Variants in ERI3 observed in about 807,000 individuals in gnomAD.
The protein encoded by ERI3 is ERI1 exoribonuclease family member 3.
In ERI3, 18 loss-of-function variants were observed where a neutral mutation model predicts 44.4. That is an observed-to-expected ratio of 0.41 (90% CI 0.28 to 0.60). ERI3 has a LOEUF of 0.60. Ranked by LOEUF, ERI3 falls within the 20% of genes least tolerant of loss-of-function variation. ERI3 has a pLI of 0.36. For missense variants in ERI3, 294 were observed against 435.5 expected (o/e 0.68, Z 2.89); for synonymous variants, 183 against 164.8 (o/e 1.11, Z -0.84).
chr1:44,221,542 T>C lies in ERI3; in HGVS notation c.*16A>G. 1 of 1,611,472 alleles carries C rather than the reference T, an allele frequency of 6.2e-7. No homozygotes were observed. The highest frequency in any genetic ancestry group is 8.5e-7 in the Non-Finnish European group (1 of 1,177,680). ...CAAACAGCTACCCTGTCCTGCCCCA[T>C]CCTGTCCTCGGCCAATCAGAACGGC... On this transcript the variant is annotated 3_prime_UTR_variant, in exon 9 of 9. Coordinates refer to ENST00000372257, the MANE Select transcript of ERI3 (RefSeq NM_024066.3). This position sits in a 1 kb window ranked among gnomAD's most constrained non-coding sequence, Gnocchi z 5.9.
At chr1:44,259,724 A>ACAC (rs1553185527) in intron 7 of ERI3, among the ~76,000 whole-genome samples, 2 of 148,780 alleles carry the variant, frequency 1.3e-5, no homozygotes, top group East Asian at 2.0e-4. Context: ...ACACACACAC[A>ACAC]AATTAGCCAG....
At chr1:44,275,466 T>C (rs866194385) in intron 7 of ERI3, among the ~76,000 whole-genome samples, 2 of 152,222 alleles carry the variant, frequency 1.3e-5, no homozygotes, top group African/African-American at 2.4e-5. Flanking sequence ...AATTTATTAC[T>C]GCACTGATTG....
chr1:44,354,335 C>T lies in ERI3; in HGVS notation c.135+557G>A, dbSNP rs913697808. Reference sequence around the variant, plus strand: ...AGCTCTAAGGACAAAATCCAAACCCCCATTGAGGGGCCCCACATCCAGCAT... The same window carrying T: ...AGCTCTAAGGACAAAATCCAAACCCTCATTGAGGGGCCCCACATCCAGCAT... On this transcript the variant is annotated intron_variant, in intron 1 of 8. Transcript: ENST00000372257. 8.1e-6 allele frequency: 8 copies of T among 985,304 alleles called. No homozygotes were observed. In the Admixed American group the frequency reaches 4.9e-4, roughly 61 times the overall value. 61.0% of individuals were successfully genotyped at this position (985,304 alleles called of 1,614,324 possible).
intron 4 of ERI3, among the ~76,000 whole-genome samples, chr1:44,316,072 G>C (rs1451249179): frequency 2.0e-5 from 3 of 151,830 alleles, no homozygotes; most frequent in Non-Finnish European, 4.4e-5. Flanking sequence ...AGGATGCTAT[G>C]AGGGAACGAG....
chr1:44,275,066 G>A (rs1645155288), intron 7 of ERI3, among the ~76,000 whole-genome samples: 2 of 152,006 alleles, frequency 1.3e-5, no homozygotes, highest in African/African-American at 4.8e-5. Context: ...AGAAGTAACT[G>A]CCCTCAGTGC....
At chr1:44,232,536 ACTT>A (rs72223466) in intron 8 of ERI3, among the ~76,000 whole-genome samples, 5,982 of 152,218 alleles carry the variant, frequency 0.039, 377 homozygotes, top group African/African-American at 0.14. Flanking sequence ...GACTATTCAG[ACTT>A]CTTCTTTCTT....
At chr1:44,327,505 C>G (rs1163537485) in intron 3 of ERI3, among the ~76,000 whole-genome samples, 2 of 152,214 alleles carry the variant, frequency 1.3e-5, no homozygotes, top group Non-Finnish European at 2.9e-5. Flanking sequence ...TCCCATCAGT[C>G]CTATAAGATT....
chr1:44,221,998 T>C lies in ERI3; in HGVS notation c.932-358A>G, dbSNP rs989728148. Among the ~76,000 whole-genome samples, 12 of 152,262 alleles carry C rather than the reference T, an allele frequency of 7.9e-5. No homozygotes were observed. The highest frequency in any genetic ancestry group is 1.6e-4 in the Non-Finnish European group (11 of 68,044). On this transcript the variant is annotated intron_variant, in intron 8 of 8. Coordinates refer to ENST00000372257, the MANE Select transcript of ERI3 (RefSeq NM_024066.3). The surrounding 1 kb of genome is among the most constrained non-coding windows in gnomAD (Gnocchi z 5.9). ...CCCGGCCGCTGGGCGATCCTTCTTG[T>C]TGCTGCCGCGTGGGGACGGCCCGTC... is the stretch of plus-strand genomic sequence containing the variant.
In ERI3 at chr1:44,354,947, G is replaced by A. The variant is rs1646967469; in HGVS notation, c.80C>T (p.Pro27Leu). ...CCAAGTCCAGGGGAGAGTAAGGGGA[G>A]GGGCGGGGGGCCAGGAGACCAGCCC... ...EGGLVSWPPA[P>L]PLTLPWTWMG... The change falls in exon 1 of 9, where the codon CCT becomes CTT. Residue 27 changes from proline to leucine, a missense_variant. Physicochemically the swap from Pro to Leu is moderately conservative, Grantham distance 98. Coordinates refer to ENST00000372257, the MANE Select transcript of ERI3 (RefSeq NM_024066.3). The A allele has an allele frequency of 3.7e-6, 5 of 1,340,516 alleles. No individual in the cohort carries two copies. The highest frequency in any genetic ancestry group is 1.5e-5 in the African/African-American group (1 of 66,598). 83.0% of individuals were successfully genotyped at this position (1,340,516 alleles called of 1,614,324 possible).
At chr1:44,329,470 C>T (rs962360487) in intron 3 of ERI3, among the ~76,000 whole-genome samples, 24 of 152,322 alleles carry the variant, frequency 1.6e-4, no homozygotes, top group African/African-American at 5.8e-4. Context: ...CCCTACCCAC[C>T]CATCTGTAAC....
Position 44,252,478 on chromosome 1 carries a change from C to T in ERI3, c.832-4440G>A, listed in dbSNP as rs1021917977. ...GTGTAACAGGGAGCTTTGCCATTAG[C>T]GCCTTTAATATTCTGACACCTCAGC... On this transcript the variant is annotated intron_variant, in intron 7 of 8. Coordinates refer to ENST00000372257, the MANE Select transcript of ERI3 (RefSeq NM_024066.3). This position sits in a 1 kb window ranked among gnomAD's most constrained non-coding sequence, Gnocchi z 4.7. 2.6e-5 allele frequency among the ~76,000 whole-genome samples: 4 copies of T among 152,204 alleles called. No individual in the cohort carries two copies. Among genetic ancestry groups the T allele is most frequent in the Non-Finnish European group, 5.9e-5 (4 of 68,032 alleles).
Position 44,247,946 on chromosome 1 carries a change from G to T in ERI3, c.924C>A (p.Ser308Arg). The T allele has an allele frequency of 3.1e-6, 5 of 1,611,822 alleles. No individual in the cohort carries two copies. The highest frequency in any genetic ancestry group is 4.2e-6 in the Non-Finnish European group (5 of 1,178,842). ...LSLQHIGRPH[S>R]GIDDCKNIAN... Reference sequence around the variant, plus strand: ...ATATGCGAAGGGACTGACCAATGCCGCTGTGGGGCCGGCCTATGTGTTGCA... The same window carrying T: ...ATATGCGAAGGGACTGACCAATGCCTCTGTGGGGCCGGCCTATGTGTTGCA... Residue 308 changes from serine to arginine, a missense_variant, in exon 8 of 9, where the codon AGC (serine) becomes AGA (arginine). By Grantham distance (110) the Ser-to-Arg change is moderately radical. Around this residue, in one of 2 missense-constraint regions of ERI3, gnomAD observed 187 missense variants for 338.6 expected, o/e 0.55. Transcript: ENST00000372257.
chr1:44,233,952 A>T (rs2154316366), intron 8 of ERI3, among the ~76,000 whole-genome samples: 1 of 152,292 alleles, frequency 6.6e-6, no homozygotes, highest in East Asian at 1.9e-4. Flanking sequence ...GAAGCTTTTC[A>T]GGTTTTGATT....
chr1:44,241,309 C>G lies in ERI3; in HGVS notation c.931+6630G>C, dbSNP rs1278612761. 6.6e-6 allele frequency among the ~76,000 whole-genome samples: 1 copy of G among 152,166 alleles called. No homozygotes were observed. The highest frequency in any genetic ancestry group is 1.5e-5 in the Non-Finnish European group (1 of 68,026). On this transcript the variant is annotated intron_variant, in intron 8 of 8. Transcript: ENST00000372257. The surrounding 1 kb of genome is among the most constrained non-coding windows in gnomAD (Gnocchi z 5.6). ...GAAATGAAGTCCGGTTATCTCCCAT[C>G]TGTGGCTGCTCCTAATCCCCCAGCC...
intron 7 of ERI3, among the ~76,000 whole-genome samples, chr1:44,276,364 A>G (rs3850117): frequency 0.034 from 5,104 of 152,346 alleles, 111 homozygotes; most frequent in Middle Eastern, 0.051. Flanking sequence ...GTGTGTAGGT[A>G]TGCATTTGTA....
chr1:44,354,486 T>C (rs1162890312), intron 1 of ERI3: 13 of 985,394 alleles, frequency 1.3e-5, no homozygotes, highest in Non-Finnish European at 1.6e-5. Context: ...AACAGAAAGC[T>C]AGCCAGGTTA....
chr1:44,279,697 A>G (rs1458650761), intron 7 of ERI3, among the ~76,000 whole-genome samples: 2 of 152,090 alleles, frequency 1.3e-5, no homozygotes, highest in Non-Finnish European at 2.9e-5. Flanking sequence ...ACTCATTCCA[A>G]TTCACTCAGT....
At chr1:44,318,722 AC>A (rs1254544232) in intron 4 of ERI3, among the ~76,000 whole-genome samples, 5 of 152,124 alleles carry the variant, frequency 3.3e-5, no homozygotes, top group African/African-American at 1.2e-4. Flanking sequence ...TAACTCAAGA[AC>A]CCTTTTTCAC....
At chr1:44,283,566 G>A (rs1039681565) in intron 7 of ERI3, among the ~76,000 whole-genome samples, 3 of 152,202 alleles carry the variant, frequency 2.0e-5, no homozygotes, top group East Asian at 3.9e-4. Context: ...AGGGGAGTGC[G>A]TAGCTTTTTC....
Sources: allele counts gnomAD v4.1 joint callset (sites outside exome capture counted in the v4.1 genomes callset), GRCh38; gene constraint gnomAD v4.1.1; regional missense constraint gnomAD v4.1.1; non-coding constraint Gnocchi (gnomAD v3.1); transcripts MANE v1.5; gene names NCBI Gene and HGNC (gene_info 2026-07-23, HGNC 2026-07-21).